TPTE2: variants seen among roughly 807,000 people sequenced by gnomAD.
TPTE2 encodes the protein transmembrane phosphoinositide 3-phosphatase and tensin homolog 2.
A neutral mutation model predicts 78.6 loss-of-function variants in TPTE2; 53 were observed. The observed-to-expected ratio is 0.67, with a 90% CI of 0.54 to 0.85. TPTE2 has a LOEUF of 0.85. Ranked by LOEUF, TPTE2 falls within the 40% of genes least tolerant of loss-of-function variation. The probability of loss-of-function intolerance (pLI) is 0.00; values close to 1 mark genes in which losing one functional copy is unlikely to be tolerated. For synonymous variants in TPTE2, 175 were observed against 206.2 expected, an observed-to-expected ratio of 0.85 and a Z score of 1.30; for missense variants, 461 against 623.0, an observed-to-expected ratio of 0.74 and a Z score of 2.77.
chr13:19,422,973 G>GCACA (rs1394694992), exon 20 of TPTE2: 80 of 1,519,962 alleles, frequency 5.3e-5, no homozygotes, highest in Non-Finnish European at 6.9e-5. Flanking sequence ...ACATGAACAT[G>GCACA]TGGCAGGGGT....
intron 1 of TPTE2, among the ~76,000 whole-genome samples, chr13:19,514,617 G>GTGTGTGTGTGTGTGTGTC (rs1869679043): frequency 6.6e-6 from 1 of 151,074 alleles, no homozygotes; most frequent in South Asian, 2.1e-4. Flanking sequence ...GTGTGTGTGT[G>GTGTGTGTGTGTGTGTGTC]TGTGTGTGTG....
At chr13:19,478,465 C>T (rs4329772) in intron 4 of TPTE2, among the ~76,000 whole-genome samples, 111,669 of 152,118 alleles carry the variant, frequency 0.73, 43,886 homozygotes, top group East Asian at 0.96. Context: ...AATGACATAC[C>T]ATCTCACACC....
chr13:19,430,608 AC>A, intron 16 of TPTE2, 61 bp from the exon 20 acceptor site: 1 of 1,113,700 alleles, frequency 9.0e-7, no homozygotes, highest in South Asian at 1.4e-5. Context: ...AATATGTCTC[AC>A]CACTTAACAT....
intron 10 of TPTE2, among the ~76,000 whole-genome samples, chr13:19,460,121 T>G (rs1878793235): frequency 6.6e-6 from 1 of 152,214 alleles, no homozygotes; most frequent in African/African-American, 2.4e-5. Context: ...CTCCTGGGTT[T>G]CTGTGTGTGC....
At position 19,425,799 on chromosome 13, in the gene TPTE2, C is replaced by G. The variant is rs6491271; in HGVS notation, c.1395+626G>C. 6.4e-6 allele frequency: 3 copies of G among 470,314 alleles called. No homozygotes were observed. The East Asian group carries it at 1.9e-4, about 30-fold the overall frequency. 29.1% of individuals were successfully genotyped at this position (470,314 alleles called of 1,614,324 possible). A position where few individuals can be genotyped will look rare whatever the true frequency, so the allele number is the denominator to read the frequency against. On this transcript the variant is annotated intron_variant, in intron 18 of 19. Transcript: ENST00000400230. ...AGCACAGGTCTCCTGGATGGCTCCC[C>G]CTTCCAGTTGGCCCTGTGTGCTGCC...
intron 4 of TPTE2, among the ~76,000 whole-genome samples, chr13:19,479,701 C>T (rs1434450641): frequency 6.6e-6 from 1 of 152,098 alleles, no homozygotes; most frequent in East Asian, 1.9e-4. Context: ...CGGTGGCTCA[C>T]GCCTGTAATC....
chr13:19,470,357 C>G (rs780923196), intron 6 of TPTE2, among the ~76,000 whole-genome samples: 23 of 152,070 alleles, frequency 1.5e-4, no homozygotes, highest in Non-Finnish European at 2.8e-4. Context: ...TTGAACCATC[C>G]TTGCATCCCA....
chr13:19,433,193 CTCAA>C (rs1343284133), intron 15 of TPTE2, among the ~76,000 whole-genome samples: 13 of 152,074 alleles, frequency 8.5e-5, no homozygotes, highest in African/African-American at 3.1e-4. Flanking sequence ...AGCTCTGGTA[CTCAA>C]TCAACTGGTT....
At chr13:19,453,203 A>G (rs1878303779) in intron 10 of TPTE2, among the ~76,000 whole-genome samples, 1 of 151,126 alleles carries the variant, frequency 6.6e-6, no homozygotes, top group Non-Finnish European at 1.5e-5. Context: ...AATTTTTTGT[A>G]TTTTTAGTAG....
At chr13:19,452,434 T>A (rs1167929046) in intron 10 of TPTE2, among the ~76,000 whole-genome samples, 1 of 152,124 alleles carries the variant, frequency 6.6e-6, no homozygotes, top group African/African-American at 2.4e-5. Context: ...ATTGACTGAA[T>A]GGGGACTATG....
chr13:19,528,157 G>A (rs111639779), intron 1 of TPTE2, among the ~76,000 whole-genome samples: 5 of 152,110 alleles, frequency 3.3e-5, no homozygotes, highest in African/African-American at 1.2e-4. Context: ...TGAGGCAGGT[G>A]GATTACCTGA....
rs535926075 is a variant in TPTE2, at chr13:19,503,259, TA to T, written c.-26del. 4.4e-4 allele frequency: 704 copies of T among 1,613,774 alleles called. 2 individuals carry two copies. The African/African-American group carries it at 8.4e-3, about 19-fold the overall frequency. On this transcript the variant is annotated 5_prime_UTR_variant, in exon 1 of 20. An upstream open reading frame in the 5' UTR loses its in-frame stop. Coordinates refer to ENST00000400230, the Ensembl canonical transcript of TPTE2. The stretch of plus-strand genomic sequence containing the variant: ...TACGTGCCTCTGGGTTCACTCCTGA[TA>T]ATTCATTTGTGGGTGGACTAGAGGA...
At chr13:19,554,416 AAAAT>A in the TPTE2 span, among the ~76,000 whole-genome samples, 25 of 151,486 alleles carry the variant, frequency 1.7e-4, no homozygotes, top group Non-Finnish European at 3.5e-4. Context: ...AAAATAAAAT[AAAAT>A]AAATGAGGAT....
intron 3 of TPTE2, among the ~76,000 whole-genome samples, chr13:19,482,981 G>A (rs1880449875): frequency 6.6e-6 from 1 of 152,150 alleles, no homozygotes; most frequent in South Asian, 2.1e-4. Flanking sequence ...TAAAAGTTAT[G>A]TTTACCCTAC....
In TPTE2 at chr13:19,439,564, G is replaced by A. The variant is rs61956971; in HGVS notation, c.974-1411C>T. Among the ~76,000 whole-genome samples the A allele has an allele frequency of 6.0e-3, 918 of 152,300 alleles. 6 individuals carry two copies. Among genetic ancestry groups the A allele is most frequent in the Non-Finnish European group, 1.0e-2 (678 of 68,018 alleles). On this transcript the variant is annotated intron_variant, in intron 13 of 19. Transcript: ENST00000400230. Reference sequence around the variant, plus strand: ...TTCTGGCACCATGAGAAATCTGAATGTAGTGACACTACCAAAGGATCACAC... The same window carrying A: ...TTCTGGCACCATGAGAAATCTGAATATAGTGACACTACCAAAGGATCACAC...
intron 13 of TPTE2, among the ~76,000 whole-genome samples, chr13:19,443,764 A>C (rs1285478490): frequency 7.4e-6 from 1 of 135,104 alleles, no homozygotes; most frequent in African/African-American, 2.7e-5. Flanking sequence ...ACACACACAC[A>C]CACACACACA....
rs560389507 is a variant in TPTE2, at chr13:19,464,276, A to C, written c.741+180T>G. On this transcript the variant is annotated intron_variant, in intron 10 of 19. Transcript: ENST00000400230. ...AAATAGTTGCTGTTATAAGCCAGTA[A>C]GTTTTGGGGTGGTTTGTAACCACTG... Among the ~76,000 whole-genome samples the C allele has an allele frequency of 1.1e-3, 171 of 152,342 alleles. 2 individuals are homozygous for C. The highest frequency in any genetic ancestry group is 3.4e-3 in the Middle Eastern group (1 of 294).
At chr13:19,436,980 T>C (rs1328848671) in intron 14 of TPTE2, among the ~76,000 whole-genome samples, 1 of 151,782 alleles carries the variant, frequency 6.6e-6, no homozygotes, top group Non-Finnish European at 1.5e-5. Context: ...TCAATGGCTG[T>C]CAATGACTTT....
intron 1 of TPTE2, among the ~76,000 whole-genome samples, chr13:19,496,687 T>C (rs184549866): frequency 6.6e-6 from 1 of 152,310 alleles, no homozygotes; most frequent in African/African-American, 2.4e-5. Context: ...TCAGCTGCTA[T>C]CTCCTCCATA....
Sources: gnomAD v4.1 joint callset for allele counts (sites outside exome capture counted in the v4.1 genomes callset) on GRCh38, gnomAD v4.1.1 for gene constraint, MANE v1.5 for transcripts, NCBI Gene and HGNC (gene_info 2026-07-23, HGNC 2026-07-21) for gene names.